PSKH2: variants seen among roughly 807,000 people sequenced by gnomAD.
PSKH2 encodes protein serine kinase H2.
PSKH2 carries 16 observed loss-of-function variants against 22.5 expected under a neutral mutation model. The observed-to-expected ratio is 0.71, with a 90% CI of 0.48 to 1.08. The LOEUF is 1.08. PSKH2 is among the 50% of genes least tolerant of loss of function. PSKH2 has a pLI of 0.00. For missense variants in PSKH2, 516 were observed against 492.8 expected (o/e 1.05, Z -0.44); for synonymous variants, 188 against 184.8 (o/e 1.02, Z -0.14).
chr8:86,062,733 T>C (rs1415373061), intron 2 of PSKH2, among the ~76,000 whole-genome samples: 1 of 152,224 alleles, frequency 6.6e-6, no homozygotes, highest in African/African-American at 2.4e-5. Context: ...TTTTAAAATA[T>C]AAATTACCCA....
chr8:86,061,534 C>A (rs1159927142), intron 2 of PSKH2, among the ~76,000 whole-genome samples: 1 of 151,998 alleles, frequency 6.6e-6, no homozygotes, highest in Non-Finnish European at 1.5e-5. Context: ...TCAAGTTTAG[C>A]CTTGAAGAGG....
chr8:86,069,350 C>G, intron 1 of PSKH2, 88 bp downstream of exon 1: 2 of 1,287,786 alleles, frequency 1.6e-6, no homozygotes, highest in South Asian at 3.3e-5. Flanking sequence ...AAAATTGAGT[C>G]AAGCTGAAGG....
intron 2 of PSKH2, among the ~76,000 whole-genome samples, chr8:86,056,926 T>TTTG (rs1208518864): frequency 0.021 from 3,135 of 146,590 alleles, 97 homozygotes; most frequent in African/African-American, 0.072. Flanking sequence ...TTTTGGTTTG[T>TTTG]TTGTTGTTGT....
At chr8:86,050,585 A>G (rs1817616332) in intron 2 of PSKH2, among the ~76,000 whole-genome samples, 1 of 152,204 alleles carries the variant, frequency 6.6e-6, no homozygotes, top group Non-Finnish European at 1.5e-5. Context: ...ACAAGCTCTT[A>G]AAAACTATAT....
intron 2 of PSKH2, among the ~76,000 whole-genome samples, chr8:86,051,062 A>ATTTG (rs111727263): frequency 0.013 from 1,920 of 150,898 alleles, 38 homozygotes; most frequent in African/African-American, 0.043. Flanking sequence ...TTAACTCAGA[A>ATTTG]TTTGTTTGTT....
At chr8:86,050,936 T>C (rs1286983266) in intron 2 of PSKH2, among the ~76,000 whole-genome samples, 1 of 152,094 alleles carries the variant, frequency 6.6e-6, no homozygotes, top group East Asian at 1.9e-4. Context: ...AGAGATGGGG[T>C]CTTGTTATAT....
At chr8:86,054,513 G>A (rs980348036) in intron 2 of PSKH2, among the ~76,000 whole-genome samples, 1 of 152,066 alleles carries the variant, frequency 6.6e-6, no homozygotes, top group Non-Finnish European at 1.5e-5. Context: ...CCACATCTCA[G>A]GAAGCAGAAG....
intron 2 of PSKH2, among the ~76,000 whole-genome samples, chr8:86,049,738 GAAAGAAAGAAACGAAA>G (rs1258720125): frequency 0.018 from 655 of 35,466 alleles, 45 homozygotes; most frequent in African/African-American, 0.05. Flanking sequence ...AAGAAAGAAA[GAAAGAAAGAAACGAAA>G]GAAAGAAAGA....
intron 2 of PSKH2, among the ~76,000 whole-genome samples, chr8:86,061,943 T>C (rs1031232676): frequency 1.2e-4 from 19 of 152,112 alleles, no homozygotes; most frequent in African/African-American, 4.6e-4. Flanking sequence ...CAGTGGTAGA[T>C]AACGAAAACA....
intron 2 of PSKH2, among the ~76,000 whole-genome samples, chr8:86,059,232 T>C (rs1817745177): frequency 6.6e-6 from 1 of 152,230 alleles, no homozygotes; most frequent in Non-Finnish European, 1.5e-5. Flanking sequence ...TGCACCACAA[T>C]GCCCAACCTA....
At chr8:86,062,577 G>A (rs975072846) in intron 2 of PSKH2, among the ~76,000 whole-genome samples, 5 of 151,948 alleles carry the variant, frequency 3.3e-5, no homozygotes, top group Non-Finnish European at 7.4e-5. Flanking sequence ...GAGATCTGAT[G>A]GTTTTATAAA....
chr8:86,055,386 T>C (rs2130150378), intron 2 of PSKH2, among the ~76,000 whole-genome samples: 1 of 152,278 alleles, frequency 6.6e-6, no homozygotes, highest in East Asian at 1.9e-4. Context: ...TGATTGAGTT[T>C]AAGAGATGAA....
intron 1 of PSKH2, among the ~76,000 whole-genome samples, chr8:86,067,235 G>A (rs911327914): frequency 6.6e-6 from 1 of 151,948 alleles, no homozygotes; most frequent in African/African-American, 2.4e-5. Flanking sequence ...GGAAATAAAT[G>A]CCTCAGATTG....
chr8:86,068,775 T>C (rs528227785), intron 1 of PSKH2, among the ~76,000 whole-genome samples: 46 of 152,232 alleles, frequency 3.0e-4, no homozygotes, highest in African/African-American at 1.1e-3. Flanking sequence ...CCCAGGATAT[T>C]AGAGGCAAAG....
chr8:86,056,122 C>T (rs375645168), intron 2 of PSKH2, among the ~76,000 whole-genome samples: 4 of 151,734 alleles, frequency 2.6e-5, no homozygotes, highest in Non-Finnish European at 4.4e-5. Context: ...GACCCTATCT[C>T]TACAAAAGAT....
rs761281039 is a variant in PSKH2 at position 86,048,620 on chromosome 8, T to G, written c.1000A>C (p.Arg334=). Residue 334 remains arginine, a synonymous_variant, in exon 3 of 3, where the codon AGG becomes CGG. Coordinates refer to ENST00000276616, the MANE Select transcript of PSKH2 (RefSeq NM_033126.3). ...TGCATGAGGTTTCGGGATATGGCCC[T>G]CTGGAGATTCTTCATGGAAGACCCT... The part of the protein sequence containing the change: ...AAGSSMKNLQ[R]AISRNLMQRA... 6.2e-7 allele frequency: 1 copy of G among 1,614,084 alleles called. No homozygotes were observed. Among genetic ancestry groups the G allele is most frequent in the Admixed American group, 1.7e-5 (1 of 59,996 alleles).
chr8:86,051,763 A>T (rs1477594476), intron 2 of PSKH2, among the ~76,000 whole-genome samples: 2 of 152,344 alleles, frequency 1.3e-5, no homozygotes, highest in Admixed American at 1.3e-4. Flanking sequence ...ATGTGCAACA[A>T]GGTTTATGGA....
intron 2 of PSKH2, among the ~76,000 whole-genome samples, chr8:86,051,158 C>T (rs1317173385): frequency 1.3e-5 from 2 of 152,030 alleles, no homozygotes; most frequent in African/African-American, 2.4e-5. Flanking sequence ...CTCCGCCTCC[C>T]GGGTTCAGGC....
At chr8:86,066,896 T>G (rs1346368310) in intron 1 of PSKH2, among the ~76,000 whole-genome samples, 1 of 152,066 alleles carries the variant, frequency 6.6e-6, no homozygotes, top group Non-Finnish European at 1.5e-5. Context: ...TCACATGCAT[T>G]CTCAGTGTGA....
Sources: allele counts gnomAD v4.1 joint callset (sites outside exome capture counted in the v4.1 genomes callset), GRCh38; gene constraint gnomAD v4.1.1; transcripts MANE v1.5; gene names NCBI Gene and HGNC (gene_info 2026-07-23, HGNC 2026-07-21).